ADAMTS12: variants seen among roughly 807,000 people sequenced by gnomAD.
The protein encoded by ADAMTS12 is ADAM metallopeptidase with thrombospondin type 1 motif 12.
ADAMTS12 carries 118 observed loss-of-function variants against 167.8 expected under a neutral mutation model. The observed-to-expected ratio is 0.70, with a 90% confidence interval of 0.61 to 0.82. The LOEUF is 0.82. Ranked by LOEUF, ADAMTS12 falls within the 40% of genes least tolerant of loss-of-function variation. ADAMTS12 has a pLI of 0.00. For synonymous variants in ADAMTS12, 704 were observed against 716.9 expected, an observed-to-expected ratio of 0.98 and a Z score of 0.29; for missense variants, 1,916 against 1,998.8, an observed-to-expected ratio of 0.96 and a Z score of 0.79.
At chr5:33,534,809 C>T (rs772602024) in intron 23 of ADAMTS12, 24 bp downstream of exon 23, 10 of 1,597,382 alleles carry the variant, frequency 6.3e-6, no homozygotes, top group Non-Finnish European at 8.5e-6. Flanking sequence ...ATCTCTTTCT[C>T]CCCGAGCAAA....
At position 33,527,317 on chromosome 5, in the gene ADAMTS12, C is replaced by T; in HGVS notation, c.4656G>A (p.Leu1552=). Reference sequence around the variant, plus strand: ...GCACAGAACATTTCTTCATGGCTTTCAGTGTCTGGCAGAAACTGGCTGACA... The same window carrying T: ...GCACAGAACATTTCTTCATGGCTTTTAGTGTCTGGCAGAAACTGGCTGACA... ...DKLSASFCQT[L]KAMKKCSVPT... The change falls in exon 24 of 24, where the codon CTG becomes CTA. Residue 1552 remains leucine, a synonymous_variant. Transcript: ENST00000504830. 2 of 1,614,134 alleles carry T rather than the reference C, an allele frequency of 1.2e-6. No individual in the cohort carries two copies. Among genetic ancestry groups the T allele is most frequent in the Non-Finnish European group, 1.7e-6 (2 of 1,180,024 alleles).
At chr5:33,743,810 G>A (rs564760281) in intron 3 of ADAMTS12, among the ~76,000 whole-genome samples, 4 of 151,840 alleles carry the variant, frequency 2.6e-5, no homozygotes, top group African/African-American at 9.7e-5. Context: ...AAGATTTTAA[G>A]TAGTCCTTTC....
At chr5:33,788,812 C>A (rs1221767776) in intron 2 of ADAMTS12, among the ~76,000 whole-genome samples, 1 of 152,208 alleles carries the variant, frequency 6.6e-6, no homozygotes, top group South Asian at 2.1e-4. Context: ...CGCACACATT[C>A]ACCTTTGTTC....
At chr5:33,573,749 A>G (rs1183199564) in intron 19 of ADAMTS12, among the ~76,000 whole-genome samples, 2 of 152,242 alleles carry the variant, frequency 1.3e-5, no homozygotes, top group African/African-American at 4.8e-5. Flanking sequence ...GACAAATGGG[A>G]TCTCATTAAA....
At chr5:33,529,333 C>T (rs1743981785) in intron 23 of ADAMTS12, among the ~76,000 whole-genome samples, 3 of 152,086 alleles carry the variant, frequency 2.0e-5, no homozygotes, top group African/African-American at 4.8e-5. Context: ...CACATTTGTA[C>T]GGGTGGTTCT....
chr5:33,830,045 G>A (rs1326897283), intron 2 of ADAMTS12, among the ~76,000 whole-genome samples: 1 of 152,214 alleles, frequency 6.6e-6, no homozygotes, highest in Non-Finnish European at 1.5e-5. Context: ...AGACAGGTCA[G>A]TGGCTTTGAT....
intron 19 of ADAMTS12, among the ~76,000 whole-genome samples, chr5:33,569,885 A>G (rs1746223800): frequency 6.6e-6 from 1 of 152,238 alleles, no homozygotes; most frequent in African/African-American, 2.4e-5. Flanking sequence ...AATAACCAAT[A>G]TAGAGAAGTG....
chr5:33,683,100 A>T lies in ADAMTS12; in HGVS notation c.833T>A (p.Val278Asp). ...ESYILTIMNM[V>D]TGLFHNPSIG... ...GCTTGGGTTATGGAACAACCCAGTG[A>T]CCTAGGGTCAGAAATAGAAAACCAT... Residue 278 changes from valine to aspartate, a missense_variant and splice_region_variant, in exon 5 of 24, where the codon GTC becomes GAC. Transcript: ENST00000504830. 6.2e-7 allele frequency: 1 copy of T among 1,611,556 alleles called. No individual in the cohort carries two copies. Among genetic ancestry groups the T allele is most frequent in the Non-Finnish European group, 8.5e-7 (1 of 1,178,618 alleles).
intron 20 of ADAMTS12, among the ~76,000 whole-genome samples, chr5:33,553,230 G>T (rs1177033602): frequency 6.6e-6 from 1 of 152,204 alleles, no homozygotes; most frequent in Non-Finnish European, 1.5e-5. Flanking sequence ...TGCTGATGAG[G>T]TTGTGGAGAA....
chr5:33,782,112 CTCT>C (rs1330882028), intron 2 of ADAMTS12, among the ~76,000 whole-genome samples: 1 of 151,700 alleles, frequency 6.6e-6, no homozygotes, highest in Non-Finnish European at 1.5e-5. Context: ...CTATTTTCTT[CTCT>C]TATTTTTTTA....
chr5:33,848,935 T>G (rs1749056073), intron 2 of ADAMTS12, among the ~76,000 whole-genome samples: 1 of 150,936 alleles, frequency 6.6e-6, no homozygotes, highest in Non-Finnish European at 1.5e-5. Flanking sequence ...GGTGTTTTCA[T>G]CTAAGCTGTT....
chr5:33,769,317 C>T (rs138158485), intron 2 of ADAMTS12, among the ~76,000 whole-genome samples: 1 of 152,242 alleles, frequency 6.6e-6, no homozygotes, highest in Non-Finnish European at 1.5e-5. Context: ...TTTGAAACCC[C>T]ACAGCTAAAG....
intron 2 of ADAMTS12, among the ~76,000 whole-genome samples, chr5:33,836,803 G>A (rs1403016693): frequency 1.3e-5 from 2 of 152,186 alleles, no homozygotes; most frequent in Non-Finnish European, 2.9e-5. Flanking sequence ...CTGGGAAAGA[G>A]CACGGAGCAT....
At position 33,685,997 on chromosome 5, in the gene ADAMTS12, C is replaced by A. The variant is rs1032995805; in HGVS notation, c.635-1942G>T. ...CCACGTGGGCTGGTGTTTTCTGAAA[C>A]GGCTGTTACAGGTTGGGCTGAGTAC... is the stretch of plus-strand genomic sequence containing the variant. On this transcript the variant is annotated intron_variant, in intron 3 of 23. Coordinates refer to ENST00000504830, the MANE Select transcript of ADAMTS12 (RefSeq NM_030955.4). 3.9e-5 allele frequency among the ~76,000 whole-genome samples: 6 copies of A among 152,222 alleles called. No homozygotes were observed. The South Asian group carries it at 1.2e-3, about 32-fold the overall frequency.
At chr5:33,562,854 A>T (rs1270886105) in intron 19 of ADAMTS12, among the ~76,000 whole-genome samples, 2 of 151,838 alleles carry the variant, frequency 1.3e-5, no homozygotes, top group Non-Finnish European at 2.9e-5. Flanking sequence ...CTGGTCTCAA[A>T]CTCCTGACCT....
At chr5:33,839,446 T>C (rs2111588506) in intron 2 of ADAMTS12, among the ~76,000 whole-genome samples, 1 of 152,338 alleles carries the variant, frequency 6.6e-6, no homozygotes, top group African/African-American at 2.4e-5. Context: ...GTGTGTGTCC[T>C]TTCCACATCT....
intron 2 of ADAMTS12, among the ~76,000 whole-genome samples, chr5:33,803,687 C>T (rs1289012309): frequency 6.6e-6 from 1 of 152,170 alleles, no homozygotes; most frequent in Non-Finnish European, 1.5e-5. Flanking sequence ...TTCCACATGG[C>T]TGGGGAGGCC....
At chr5:33,761,693 T>C (rs1445884247) in intron 2 of ADAMTS12, among the ~76,000 whole-genome samples, 1 of 152,216 alleles carries the variant, frequency 6.6e-6, no homozygotes, top group Non-Finnish European at 1.5e-5. Flanking sequence ...GGCCGACTAA[T>C]GTCATAATTA....
chr5:33,851,804 C>A (rs1434359418), intron 2 of ADAMTS12, among the ~76,000 whole-genome samples: 1 of 152,224 alleles, frequency 6.6e-6, no homozygotes, highest in Non-Finnish European at 1.5e-5. Context: ...TTATTCTGCA[C>A]CATACGTTCA....
Sources: gnomAD v4.1 joint callset for allele counts (sites outside exome capture counted in the v4.1 genomes callset) on GRCh38, gnomAD v4.1.1 for gene constraint, MANE v1.5 for transcripts, NCBI Gene and HGNC (gene_info 2026-07-23, HGNC 2026-07-21) for gene names.